The following HCRTR2 variants were observed in gnomAD, a reference collection of about 807,000 sequenced individuals.
HCRTR2 encodes the protein hypocretin receptor 2.
A neutral mutation model predicts 49.0 loss-of-function variants in HCRTR2; 22 were observed. The observed-to-expected ratio is 0.45, with a 90% CI of 0.32 to 0.64. HCRTR2 has a LOEUF of 0.64. HCRTR2 is among the 30% of genes least tolerant of loss of function. HCRTR2 has a pLI of 0.04. For missense variants in HCRTR2, 491 were observed against 559.4 expected (o/e 0.88, Z 1.23); for synonymous variants, 236 against 205.3 (o/e 1.15, Z -1.28).
At chr6:55,282,876 T>A (rs1482546689), downstream of HCRTR2, among the ~76,000 whole-genome samples, 1 of 152,146 alleles carries the variant, frequency 6.6e-6, no homozygotes, top group African/African-American at 2.4e-5. Flanking sequence ...AATAGACATG[T>A]TAGTTGACTT....
chr6:55,284,547 TAA>T (rs1430324040), downstream of HCRTR2, among the ~76,000 whole-genome samples: 2 of 152,136 alleles, frequency 1.3e-5, no homozygotes, highest in East Asian at 1.9e-4. Context: ...CTGTGTGAAA[TAA>T]AGTCTTTTAC....
chr6:55,203,688 G>A (rs1402310513), intron 1 of HCRTR2, among the ~76,000 whole-genome samples: 1 of 152,042 alleles, frequency 6.6e-6, no homozygotes, highest in African/African-American at 2.4e-5. Flanking sequence ...AAGGGAGAAT[G>A]CCATGCAGTT....
chr6:55,146,767 A>G (rs1258014462), intron 1 of HCRTR2, among the ~76,000 whole-genome samples: 1 of 152,120 alleles, frequency 6.6e-6, no homozygotes, highest in Non-Finnish European at 1.5e-5. Flanking sequence ...GAATCTTGCT[A>G]ATAATATAGT....
intron 1 of HCRTR2, among the ~76,000 whole-genome samples, chr6:55,229,941 G>C (rs1358309160): frequency 1.3e-5 from 2 of 152,108 alleles, no homozygotes; most frequent in African/African-American, 4.8e-5. Context: ...TATACAGCAG[G>C]CTTTACACAC....
intron 2 of HCRTR2, among the ~76,000 whole-genome samples, chr6:55,250,454 A>G (rs1291702160): frequency 6.6e-6 from 1 of 152,120 alleles, no homozygotes; most frequent in Non-Finnish European, 1.5e-5. Context: ...GAATATTTTG[A>G]GGATTCTCTT....
intron 1 of HCRTR2, among the ~76,000 whole-genome samples, chr6:55,108,969 T>A (rs1188546266): frequency 6.6e-6 from 1 of 152,050 alleles, no homozygotes. Context: ...AACTCGGTGC[T>A]GTTGAGGGAG....
rs761245365 is a variant in HCRTR2, at chr6:55,248,588, C to G, written c.224-51C>G. The stretch of plus-strand genomic sequence containing the variant: ...AGAAATACTGACAGTGTTTCCTCAC[C>G]AATACCTATTTTCTTTGTTGAGTGC... On this transcript the variant is annotated intron_variant, in intron 1 of 6. Coordinates refer to ENST00000370862, the MANE Select transcript of HCRTR2 (RefSeq NM_001384272.1). 2.9e-6 allele frequency: 4 copies of G among 1,399,606 alleles called. No individual in the cohort carries two copies. The South Asian group carries it at 4.6e-5, about 16-fold the overall frequency. The allele number at this position is 1,399,606 out of a possible 1,614,324, so 86.7% of individuals were successfully genotyped here.
chr6:55,137,682 T>C (rs189687879), intron 1 of HCRTR2, among the ~76,000 whole-genome samples: 1 of 152,150 alleles, frequency 6.6e-6, no homozygotes. Context: ...AGGTCAAATG[T>C]CCTTGCTCTG....
chr6:55,256,588 T>C (rs1460058783), intron 3 of HCRTR2, among the ~76,000 whole-genome samples: 1 of 152,230 alleles, frequency 6.6e-6, no homozygotes, highest in East Asian at 1.9e-4. Flanking sequence ...CAAATATCTG[T>C]CTTTTATTGG....
chr6:55,282,204 T>C (rs1398423642), intron 6 of HCRTR2, 21 bp from the exon 7 acceptor site: 5 of 1,558,374 alleles, frequency 3.2e-6, no homozygotes, highest in Non-Finnish European at 4.4e-6. Context: ...TCCTTTTCCT[T>C]TCATTCTCTC....
chr6:55,231,202 C>A (rs1460872313), intron 1 of HCRTR2, among the ~76,000 whole-genome samples: 1 of 152,134 alleles, frequency 6.6e-6, no homozygotes, highest in Non-Finnish European at 1.5e-5. Flanking sequence ...TTATGTTTAT[C>A]ACTCACTTAT....
chr6:55,255,009 T>A (rs1766622726), intron 2 of HCRTR2, 127 bp from the exon 3 acceptor site: 5 of 923,848 alleles, frequency 5.4e-6, no homozygotes, highest in Non-Finnish European at 8.4e-6. Context: ...TTGCATGGAT[T>A]GTTTATTTTT....
At chr6:55,254,067 G>A (rs1766603761) in intron 2 of HCRTR2, among the ~76,000 whole-genome samples, 3 of 152,054 alleles carry the variant, frequency 2.0e-5, no homozygotes, top group South Asian at 2.1e-4. Flanking sequence ...AATGCATAAT[G>A]GATATCAAAT....
At chr6:55,263,432 G>T (rs1766804848) in intron 3 of HCRTR2, among the ~76,000 whole-genome samples, 1 of 152,028 alleles carries the variant, frequency 6.6e-6, no homozygotes, top group Non-Finnish European at 1.5e-5. Flanking sequence ...CTGAACACTT[G>T]ACTTTGGGTA....
At position 55,185,039 on chromosome 6, in the gene HCRTR2, G is replaced by C. The variant is rs556306021; in HGVS notation, c.223+10229G>C. Among the ~76,000 whole-genome samples the C allele has an allele frequency of 5.3e-4, 80 of 152,248 alleles. 1 individual carries two copies. The Middle Eastern group carries it at 0.01, about 19-fold the overall frequency. On this transcript the variant is annotated intron_variant, in intron 1 of 6. Coordinates refer to ENST00000370862, the MANE Select transcript of HCRTR2 (RefSeq NM_001384272.1). ...AAGATTGTGCTGATCTTTCTGGGCA[G>C]GGTTATGGAGGTGTGATTAAATGCT...
chr6:55,250,445 A>C (rs970136488), intron 2 of HCRTR2, among the ~76,000 whole-genome samples: 1 of 152,086 alleles, frequency 6.6e-6, no homozygotes, highest in African/African-American at 2.4e-5. Context: ...TACCCAGGAG[A>C]ATATTTTGAG....
At chr6:55,116,978 C>G (rs1451511790) in intron 1 of HCRTR2, among the ~76,000 whole-genome samples, 3 of 151,748 alleles carry the variant, frequency 2.0e-5, no homozygotes, top group Non-Finnish European at 2.9e-5. Context: ...AAGACCGGGG[C>G]ACTCCATCTA....
chr6:55,126,854 T>A (rs1215484951), intron 1 of HCRTR2, among the ~76,000 whole-genome samples: 1 of 152,192 alleles, frequency 6.6e-6, no homozygotes, highest in Non-Finnish European at 1.5e-5. Flanking sequence ...CTGGCTGCTT[T>A]GTTTATACTG....
chr6:55,121,623 G>T (rs929569334), intron 1 of HCRTR2, among the ~76,000 whole-genome samples: 2 of 152,096 alleles, frequency 1.3e-5, no homozygotes, highest in African/African-American at 4.8e-5. Flanking sequence ...TTATTATTTT[G>T]AGATATGTCC....
Sources: allele counts gnomAD v4.1 joint callset (sites outside exome capture counted in the v4.1 genomes callset), GRCh38; gene constraint gnomAD v4.1.1; transcripts MANE v1.5; gene names NCBI Gene and HGNC (gene_info 2026-07-23, HGNC 2026-07-21).